SLC2A9: variants seen among roughly 807,000 people sequenced by gnomAD.
The protein encoded by SLC2A9 is solute carrier family 2, facilitated glucose transporter member 9.
In SLC2A9, 39 loss-of-function variants were observed where a neutral mutation model predicts 50.6. The ratio of observed to expected loss-of-function variants is 0.77; its 90% CI spans 0.60 to 1.01. The LOEUF (loss-of-function observed/expected upper bound fraction) is 1.01, where lower values mean the gene tolerates loss of function less well. SLC2A9 is among the 50% of genes least tolerant of loss of function. The probability of loss-of-function intolerance (pLI) is 0.00; values close to 1 mark genes in which losing one functional copy is unlikely to be tolerated. For missense variants in SLC2A9, 686 were observed against 677.6 expected (o/e 1.01, Z -0.14); for synonymous variants, 324 against 276.9 (o/e 1.17, Z -1.69).
intron 10 of SLC2A9, among the ~76,000 whole-genome samples, chr4:9,862,025 A>G (rs1468754231): frequency 6.6e-6 from 1 of 152,208 alleles, no homozygotes; most frequent in Non-Finnish European, 1.5e-5. Context: ...AATATGGAAC[A>G]TCATAATATT....
At chr4:9,889,581 C>T (rs1736972238) in intron 9 of SLC2A9, among the ~76,000 whole-genome samples, 1 of 152,192 alleles carries the variant, frequency 6.6e-6, no homozygotes, top group Non-Finnish European at 1.5e-5. Context: ...TCCTGCCGGT[C>T]AGCGTGCTTG....
intron 7 of SLC2A9, among the ~76,000 whole-genome samples, chr4:9,919,087 G>T (rs989407031): frequency 3.3e-5 from 5 of 152,146 alleles, no homozygotes; most frequent in Non-Finnish European, 7.3e-5. Flanking sequence ...TTCACTACAG[G>T]TTCCATATTC....
At chr4:9,806,325 T>C (rs1053326657) in intron 3 of SLC2A9, among the ~76,000 whole-genome samples, 2 of 152,248 alleles carry the variant, frequency 1.3e-5, no homozygotes, top group African/African-American at 2.4e-5. Context: ...AACAACAGCA[T>C]GAGCGATCTG....
rs941193749 is a variant in SLC2A9, at chr4:9,980,874, T to G, written c.536-137A>C. The G allele has an allele frequency of 3.9e-4, 442 of 1,127,190 alleles. 1 individual carries two copies. The highest frequency in any genetic ancestry group is 9.1e-4 in the Admixed American group (46 of 50,588). 69.8% of individuals were successfully genotyped at this position (1,127,190 alleles called of 1,614,324 possible). Reference sequence around the variant, plus strand: ...TAGCCACGGCATTTTTCCCAGCACTTAGCACAAATTGCCAAAGCTTTCCCA... The same window carrying G: ...TAGCCACGGCATTTTTCCCAGCACTGAGCACAAATTGCCAAAGCTTTCCCA... On this transcript the variant is annotated intron_variant, in intron 4 of 11. Transcript: ENST00000264784.
intron 3 of SLC2A9, among the ~76,000 whole-genome samples, chr4:9,812,080 G>A (rs930674484): frequency 3.3e-5 from 5 of 152,148 alleles, no homozygotes; most frequent in Admixed American, 6.5e-5. Context: ...AACTGAAAGA[G>A]TCCTAAGTAA....
chr4:9,797,107 A>G (rs780439284), downstream of SLC2A9, among the ~76,000 whole-genome samples: 1 of 152,184 alleles, frequency 6.6e-6, no homozygotes. Context: ...AAGTGTTCCA[A>G]GAACCAGGGA....
intron 3 of SLC2A9, among the ~76,000 whole-genome samples, chr4:9,786,707 T>C (rs1033374647): frequency 5.9e-5 from 9 of 152,130 alleles, no homozygotes; most frequent in African/African-American, 2.2e-4. Flanking sequence ...GAGGACAAGG[T>C]TGTTTGTCCA....
downstream of SLC2A9, among the ~76,000 whole-genome samples, chr4:9,821,719 T>C (rs1378024305): frequency 6.6e-6 from 1 of 152,194 alleles, no homozygotes; most frequent in Non-Finnish European, 1.5e-5. Flanking sequence ...TACTGTTTTC[T>C]TGTATTATTT....
chr4:9,838,244 A>G (rs1727413124), intron 10 of SLC2A9, among the ~76,000 whole-genome samples: 1 of 152,136 alleles, frequency 6.6e-6, no homozygotes, highest in South Asian at 2.1e-4. Context: ...GATGATGACG[A>G]TGGTGCTTCT....
At chr4:9,869,586 C>G (rs1733077664) in intron 10 of SLC2A9, among the ~76,000 whole-genome samples, 2 of 152,342 alleles carry the variant, frequency 1.3e-5, no homozygotes, top group South Asian at 4.1e-4. Flanking sequence ...ATCTGACACA[C>G]CAGGCAGATG....
chr4:9,981,276 G>A (rs1578177067), intron 4 of SLC2A9, among the ~76,000 whole-genome samples: 1 of 152,164 alleles, frequency 6.6e-6, no homozygotes. Context: ...GATAGTGGTG[G>A]TGGTAGTAGT....
At chr4:10,039,406 G>T (rs1230395263) in intron 1 of SLC2A9, among the ~76,000 whole-genome samples, 1 of 152,226 alleles carries the variant, frequency 6.6e-6, no homozygotes, top group African/African-American at 2.4e-5. Context: ...TGGAAGGTAT[G>T]CAAAAGCCAT....
chr4:10,007,261 T>C (rs1458366279), intron 2 of SLC2A9, among the ~76,000 whole-genome samples: 1 of 152,214 alleles, frequency 6.6e-6, no homozygotes, highest in Non-Finnish European at 1.5e-5. Flanking sequence ...AGCATTAGGT[T>C]TGCAGGTTTG....
At chr4:9,919,502 G>T (rs1164695027) in intron 7 of SLC2A9, among the ~76,000 whole-genome samples, 1 of 152,060 alleles carries the variant, frequency 6.6e-6, no homozygotes, top group Non-Finnish European at 1.5e-5. Flanking sequence ...CACCCTCCCT[G>T]CCCGCCTTGG....
At chr4:10,015,456 T>C (rs899975674) in intron 2 of SLC2A9, among the ~76,000 whole-genome samples, 1 of 152,198 alleles carries the variant, frequency 6.6e-6, no homozygotes, top group Non-Finnish European at 1.5e-5. Context: ...GAAGGTAACA[T>C]CAGTAATTAA....
At chr4:9,968,428 C>T (rs62295967) in intron 5 of SLC2A9, among the ~76,000 whole-genome samples, 1 of 152,176 alleles carries the variant, frequency 6.6e-6, no homozygotes, top group Admixed American at 6.5e-5. Flanking sequence ...CCTATAACTT[C>T]TTCCTCTCAT....
chr4:9,772,692 G>C (rs146309561), intron 1 of SLC2A9, among the ~76,000 whole-genome samples: 1 of 152,118 alleles, frequency 6.6e-6, no homozygotes, highest in African/African-American at 2.4e-5. Context: ...CCCTGGGGCT[G>C]TGTGTTATGT....
intron 8 of SLC2A9, among the ~76,000 whole-genome samples, chr4:9,902,743 A>G (rs1739878933): frequency 6.6e-6 from 1 of 152,168 alleles, no homozygotes; most frequent in Non-Finnish European, 1.5e-5. Flanking sequence ...TCATAAGGAC[A>G]GTCGTATTGG....
chr4:10,024,228 C>G (rs1322267193), upstream of SLC2A9, among the ~76,000 whole-genome samples: 2 of 152,114 alleles, frequency 1.3e-5, no homozygotes, highest in Admixed American at 6.5e-5. Context: ...GCCTTCCCCT[C>G]TGCACGGGAG....
Sources: allele counts gnomAD v4.1 joint callset (sites outside exome capture counted in the v4.1 genomes callset), GRCh38; gene constraint gnomAD v4.1.1; transcripts MANE v1.5; gene names NCBI Gene and HGNC (gene_info 2026-07-23, HGNC 2026-07-21).